CCDC154: variants seen among roughly 807,000 people sequenced by gnomAD.
CCDC154 encodes coiled-coil domain-containing protein 154.
A neutral mutation model predicts 87.5 loss-of-function variants in CCDC154; 91 were observed. The ratio of observed to expected loss-of-function variants is 1.04; its 90% CI spans 0.88 to 1.24. The LOEUF is 1.24. Among genes scored for constraint, CCDC154 ranks in the 50% most tolerant of loss-of-function variants. The pLI, the probability that CCDC154 is intolerant of heterozygous loss-of-function variation, is 0.00. For missense variants in CCDC154, 903 were observed against 879.2 expected (o/e 1.03, Z -0.34); for synonymous variants, 418 against 400.4 (o/e 1.04, Z -0.52).
intron 6 of CCDC154, among the ~76,000 whole-genome samples, chr16:1,440,950 T>TAAA (rs35719330): frequency 2.3e-5 from 3 of 132,120 alleles, no homozygotes; most frequent in Non-Finnish European, 4.9e-5. Context: ...GACTCCGTCT[T>TAAA]AAAAAAAAAA....
chr16:1,441,392 C>T (rs1379377779), intron 6 of CCDC154, among the ~76,000 whole-genome samples: 1 of 152,260 alleles, frequency 6.6e-6, no homozygotes, highest in African/African-American at 2.4e-5. Flanking sequence ...ACCCAGCGTA[C>T]TGCCTGATGC....
At chr16:1,437,085 C>T in intron 11 of CCDC154, 1 of 485,240 alleles carries the variant, frequency 2.1e-6, no homozygotes, top group Non-Finnish European at 3.7e-6. Context: ...CCGGTGGGAC[C>T]CAGCCCCGAA....
chr16:1,444,115 A>G (rs2142358939), intron 1 of CCDC154, 103 bp from the exon 2 acceptor site: 1 of 1,050,438 alleles, frequency 9.5e-7, no homozygotes, highest in East Asian at 6.0e-5. Flanking sequence ...CCCACCACCC[A>G]GAGCTCAACG....
Position 1,434,777 on chromosome 16 carries a change from C to G in CCDC154, c.1768G>C (p.Gly590Arg). The change falls in exon 16 of 17, where the codon GGC (glycine) becomes CGC (arginine). Residue 590 changes from glycine to arginine, a missense_variant. Gly to Arg is a moderately radical substitution (Grantham distance 125, BLOSUM62 -2). Coordinates refer to ENST00000389176, the MANE Select transcript of CCDC154 (RefSeq NM_001143980.3). ...WSEEGPRTPL[G>R]SWKALPSLVR... is the part of the protein sequence containing the mutation. ...AGGGATGGGAGCGCCTTCCAGCTGC[C>G]CAGCGGCGTCCGCGGGCCCTCCTCA... 1 of 1,543,192 alleles carries G rather than the reference C, an allele frequency of 6.5e-7. No individual in the cohort carries two copies. The highest frequency in any genetic ancestry group is 2.4e-5 in the East Asian group (1 of 40,890).
intron 4 of CCDC154, 65 bp from the exon 5 acceptor site, chr16:1,443,040 T>G (rs1204096228): frequency 9.8e-6 from 15 of 1,531,276 alleles, no homozygotes; most frequent in South Asian, 3.6e-5. Flanking sequence ...GGGCTGGGGG[T>G]CTGGCCAAGG....
intron 6 of CCDC154, among the ~76,000 whole-genome samples, chr16:1,439,891 GACTC>G (rs911281660): frequency 6.6e-6 from 1 of 152,126 alleles, no homozygotes; most frequent in African/African-American, 2.4e-5. Flanking sequence ...CTGGCGCAAT[GACTC>G]ACTCCCACTT....
chr16:1,439,287 G>A lies in CCDC154; in HGVS notation c.676-161C>T, dbSNP rs966975017. The A allele has an allele frequency of 2.5e-4, 160 of 652,654 alleles. 2 individuals are homozygous for A. The highest frequency in any genetic ancestry group is 1.8e-4 in the Admixed American group (7 of 38,218). 40.4% of individuals were successfully genotyped at this position (652,654 alleles called of 1,614,324 possible). ...ACACCCTCAGCCGGAAGAAAGCCAC[G>A]GCGGGCAGGACCACTCTGTACCCAG... On this transcript the variant is annotated intron_variant, in intron 6 of 16. Transcript: ENST00000389176.
rs974748809 is a variant in CCDC154 at position 1,443,972 on chromosome 16, G to T, written c.48C>A (p.Ser16=). 29 of 1,302,546 alleles carry T rather than the reference G, an allele frequency of 2.2e-5. No homozygotes were observed. The highest frequency in any genetic ancestry group is 2.9e-5 in the Non-Finnish European group (29 of 988,940). The allele number at this position is 1,302,546 out of a possible 1,614,324, so 80.7% of individuals were successfully genotyped here. A position where few individuals can be genotyped will look rare whatever the true frequency, so the allele number is the denominator to read the frequency against. The part of the protein sequence containing the change: ...DSGPSGASAP[S]QLRAVTLEDL... ...CTTCCAGGGTGACGGCTCTCAGCTGGGAAGGGGCCGATGCCCCTGAGGGTC... is the reference window on the plus strand; with the variant it reads ...CTTCCAGGGTGACGGCTCTCAGCTGTGAAGGGGCCGATGCCCCTGAGGGTC... Residue 16 remains serine, a synonymous_variant, in exon 2 of 17, where the codon TCC becomes TCA. Coordinates refer to ENST00000389176, the MANE Select transcript of CCDC154 (RefSeq NM_001143980.3).
intron 1 of CCDC154, 140 bp downstream of exon 1, chr16:1,444,176 A>G (rs1265903358): frequency 1.2e-5 from 13 of 1,065,312 alleles, no homozygotes; most frequent in African/African-American, 4.9e-5. Context: ...AGACAAGTCC[A>G]GGGCCCTGCC....
At chr16:1,442,728 G>A (rs1430822301) in intron 5 of CCDC154, among the ~76,000 whole-genome samples, 152 bp downstream of exon 5, 2 of 152,264 alleles carry the variant, frequency 1.3e-5, no homozygotes, top group East Asian at 3.8e-4. Context: ...TCCGCAGCGG[G>A]CCCAGGCTTC....
intron 6 of CCDC154, 65 bp downstream of exon 6, chr16:1,442,341 G>T: frequency 6.8e-7 from 1 of 1,471,186 alleles, no homozygotes; most frequent in South Asian, 1.4e-5. Context: ...GGCACAGGCC[G>T]AGAGGGTTAG....
intron 14 of CCDC154, 149 bp downstream of exon 14, chr16:1,435,820 C>T: frequency 1.5e-6 from 1 of 680,726 alleles, no homozygotes; most frequent in Non-Finnish European, 2.5e-6. Flanking sequence ...GCCACCCCGC[C>T]TGGCCTCCGA....
At chr16:1,444,178 G>A (rs951644106) in intron 1 of CCDC154, 138 bp downstream of exon 1, 5 of 1,074,424 alleles carry the variant, frequency 4.7e-6, no homozygotes, top group African/African-American at 3.3e-5. Context: ...ACAAGTCCAG[G>A]GCCCTGCCTG....
At chr16:1,442,212 A>G (rs12919668) in intron 6 of CCDC154, among the ~76,000 whole-genome samples, 194 bp downstream of exon 6, 10,955 of 152,354 alleles carry the variant, frequency 0.072, 475 homozygotes, top group Non-Finnish European at 0.094. Flanking sequence ...CACCGTGCCC[A>G]AACAACCTGA....
chr16:1,437,321 G>T, intron 11 of CCDC154: 1 of 180,132 alleles, frequency 5.6e-6, no homozygotes. Context: ...GGCAGCCCCC[G>T]AGACAGGGAG....
chr16:1,443,100 C>T (rs2038569856), intron 4 of CCDC154, 125 bp from the exon 5 acceptor site: 1 of 1,354,394 alleles, frequency 7.4e-7, no homozygotes, highest in Non-Finnish European at 1.0e-6. Context: ...GAAGGCCGCC[C>T]AGGCACGTAC....
chr16:1,437,886 A>G lies in CCDC154; in HGVS notation c.1221T>C (p.Ser407=). Residue 407 remains serine, a synonymous_variant, in exon 11 of 17, where the codon AGT becomes AGC. Transcript: ENST00000389176. The stretch of plus-strand genomic sequence containing the variant: ...GGCTGCTCAGAGCCGGGAGATGGCC[A>G]CTCAGCTCCTTTAACTGCCCGGCCA... ...AQLAGQLKEL[S]GHLPALSSRL... 6.5e-7 allele frequency: 1 copy of G among 1,545,846 alleles called. No individual in the cohort carries two copies. The highest frequency in any genetic ancestry group is 8.7e-7 in the Non-Finnish European group (1 of 1,146,528).
chr16:1,438,328 T>G, intron 9 of CCDC154, 152 bp from the exon 10 acceptor site: 8 of 988,642 alleles, frequency 8.1e-6, no homozygotes, highest in Non-Finnish European at 1.1e-5. Context: ...CCAACACGGG[T>G]TCACTCCCCA....
In CCDC154 at chr16:1,442,985, A is replaced by C; in HGVS notation, c.456-10T>G. 1.9e-6 allele frequency: 3 copies of C among 1,549,886 alleles called. No individual in the cohort carries two copies. The highest frequency in any genetic ancestry group is 2.6e-6 in the Non-Finnish European group (3 of 1,146,768). ...CCGGACCTCCACCAGCCTGGGACAC[A>C]ACAAGCCATTCCCGAGAGGCCCAGG... is the stretch of plus-strand genomic sequence containing the variant. On this transcript the variant is annotated splice_polypyrimidine_tract_variant and intron_variant, in intron 4 of 16. Transcript: ENST00000389176.
Sources: gnomAD v4.1 joint callset for allele counts (sites outside exome capture counted in the v4.1 genomes callset) on GRCh38, gnomAD v4.1.1 for gene constraint, MANE v1.5 for transcripts, NCBI Gene and HGNC (gene_info 2026-07-23, HGNC 2026-07-21) for gene names.